RBFOX1: variants seen among roughly 807,000 people sequenced by gnomAD.
The protein encoded by RBFOX1 is RNA binding fox-1 homolog 1, also known as RNA binding protein fox-1 homolog 1.
RBFOX1 carries 8 observed loss-of-function variants against 57.7 expected under a neutral mutation model. The observed-to-expected ratio is 0.14, with a 90% CI of 0.08 to 0.25. RBFOX1 has a LOEUF of 0.25. Among genes scored for constraint, RBFOX1 ranks in the 10% least tolerant of loss-of-function variants. RBFOX1 has a pLI of 1.00. For missense variants in RBFOX1, 611 were observed against 548.5 expected, an observed-to-expected ratio of 1.11 and a Z score of -1.14; for synonymous variants, 326 against 222.4, an observed-to-expected ratio of 1.47 and a Z score of -4.15.
At chr16:5,690,513 T>C (rs1445307611) in intron 3 of RBFOX1, among the ~76,000 whole-genome samples, 1 of 152,088 alleles carries the variant, frequency 6.6e-6, no homozygotes, top group African/African-American at 2.4e-5. Context: ...CCTGGCATGA[T>C]GGAGGCACTC....
intron 2 of RBFOX1, among the ~76,000 whole-genome samples, chr16:6,325,183 C>G (rs1011235590): frequency 6.6e-6 from 1 of 151,838 alleles, no homozygotes; most frequent in Admixed American, 6.6e-5. Flanking sequence ...TAGTGATAAC[C>G]CATCTCTACA....
intron 3 of RBFOX1, among the ~76,000 whole-genome samples, chr16:6,903,054 T>G (rs147195735): frequency 1.1e-3 from 168 of 152,244 alleles, no homozygotes; most frequent in African/African-American, 3.9e-3. Flanking sequence ...AAACAAGGTT[T>G]TGTGAGCATC....
chr16:5,959,233 A>C (rs2059703634), intron 4 of RBFOX1, among the ~76,000 whole-genome samples: 1 of 152,208 alleles, frequency 6.6e-6, no homozygotes, highest in African/African-American at 2.4e-5. Context: ...CCATTCACAG[A>C]GGGAACTCTT....
chr16:5,563,928 A>G (rs1476205409), intron 2 of RBFOX1, among the ~76,000 whole-genome samples: 1 of 152,198 alleles, frequency 6.6e-6, no homozygotes, highest in Non-Finnish European at 1.5e-5. Flanking sequence ...TGTCACTGAC[A>G]TGAGACTATG....
intron 3 of RBFOX1, among the ~76,000 whole-genome samples, chr16:6,794,764 AG>A (rs1185445480): frequency 6.6e-6 from 1 of 152,180 alleles, no homozygotes; most frequent in African/African-American, 2.4e-5. Flanking sequence ...TGGTTGATGT[AG>A]GGAAACATGT....
At chr16:6,204,755 G>A (rs569295427) in intron 1 of RBFOX1, among the ~76,000 whole-genome samples, 3 of 152,146 alleles carry the variant, frequency 2.0e-5, no homozygotes, top group Non-Finnish European at 2.9e-5. Context: ...TTTTAATTGA[G>A]TTGGATGACC....
chr16:6,889,155 C>G (rs554720254), intron 3 of RBFOX1, among the ~76,000 whole-genome samples: 1 of 152,324 alleles, frequency 6.6e-6, no homozygotes, highest in East Asian at 1.9e-4. Context: ...CTGTAACATT[C>G]AGTAGATCCC....
intron 4 of RBFOX1, among the ~76,000 whole-genome samples, chr16:5,895,231 G>T (rs2058137244): frequency 6.6e-6 from 1 of 152,156 alleles, no homozygotes; most frequent in African/African-American, 2.4e-5. Flanking sequence ...CTTAGTTGAG[G>T]CAGTTTCATG....
chr16:7,442,155 AC>A (rs932529994), intron 4 of RBFOX1, among the ~76,000 whole-genome samples: 1 of 151,998 alleles, frequency 6.6e-6, no homozygotes, highest in Non-Finnish European at 1.5e-5. Flanking sequence ...CATGAACGGG[AC>A]CCCAGAGATT....
chr16:5,794,681 C>T (rs1444791296), intron 3 of RBFOX1, among the ~76,000 whole-genome samples: 1 of 152,024 alleles, frequency 6.6e-6, no homozygotes, highest in Non-Finnish European at 1.5e-5. Flanking sequence ...AGGAGGGGAG[C>T]CAAGAAGAAC....
At chr16:7,493,070 G>C (rs1003285249) in intron 4 of RBFOX1, among the ~76,000 whole-genome samples, 1 of 152,252 alleles carries the variant, frequency 6.6e-6, no homozygotes, top group African/African-American at 2.4e-5. Context: ...GTAGAGATGG[G>C]GTTTCACTAT....
chr16:7,641,538 TGA>T (rs1201605269), intron 11 of RBFOX1, among the ~76,000 whole-genome samples: 1 of 152,224 alleles, frequency 6.6e-6, no homozygotes, highest in Non-Finnish European at 1.5e-5. Flanking sequence ...CATAGGCTCT[TGA>T]TGCCTAATAC....
chr16:6,288,079 G>A (rs954591414), intron 1 of RBFOX1, among the ~76,000 whole-genome samples: 1 of 152,180 alleles, frequency 6.6e-6, no homozygotes, highest in Non-Finnish European at 1.5e-5. Flanking sequence ...TTTGTGACTT[G>A]ATGTAACTCT....
At chr16:7,674,376 A>C (rs905926290) in intron 13 of RBFOX1, among the ~76,000 whole-genome samples, 2 of 152,188 alleles carry the variant, frequency 1.3e-5, no homozygotes, top group Admixed American at 6.5e-5. Context: ...GTTACCTTTC[A>C]AGAGTTCAAT....
At chr16:7,552,824 A>C (rs111829418) in intron 5 of RBFOX1, among the ~76,000 whole-genome samples, 25 of 152,066 alleles carry the variant, frequency 1.6e-4, no homozygotes, top group African/African-American at 5.8e-4. Flanking sequence ...CTGGGATTAC[A>C]GTTTCCTGCC....
At chr16:7,119,304 C>T (rs2151762259) in intron 4 of RBFOX1, among the ~76,000 whole-genome samples, 1 of 152,204 alleles carries the variant, frequency 6.6e-6, no homozygotes, top group South Asian at 2.1e-4. Flanking sequence ...CCTCAGGTTT[C>T]CCTATGGTGA....
intron 2 of RBFOX1, among the ~76,000 whole-genome samples, chr16:5,556,192 A>G (rs2045669343): frequency 6.6e-6 from 1 of 152,250 alleles, no homozygotes; most frequent in Admixed American, 6.5e-5. Flanking sequence ...GGTTACATAC[A>G]TTCGGTCTGC....
intron 2 of RBFOX1, among the ~76,000 whole-genome samples, chr16:6,441,755 C>G (rs144346390): frequency 6.6e-6 from 1 of 152,158 alleles, no homozygotes; most frequent in African/African-American, 2.4e-5. Context: ...TCTGTCTTCA[C>G]GTAGCCAGGA....
chr16:6,051,525 C>T (rs9930660), intron 1 of RBFOX1, among the ~76,000 whole-genome samples: 3,000 of 152,130 alleles, frequency 0.02, 110 homozygotes, highest in African/African-American at 0.068. Context: ...GGCGGGGTTT[C>T]GCCATGTTGG....
Sources: gnomAD v4.1 joint callset for allele counts (sites outside exome capture counted in the v4.1 genomes callset) on GRCh38, gnomAD v4.1.1 for gene constraint, MANE v1.5 for transcripts, NCBI Gene and HGNC (gene_info 2026-07-23, HGNC 2026-07-21) for gene names.